Variants in LANCL2 observed in about 807,000 individuals in gnomAD.
LANCL2 encodes the protein LanC like glutathione S-transferase 2.
Under a neutral mutation model 56.9 loss-of-function variants are expected in LANCL2, and 33 were observed. That is an observed-to-expected ratio of 0.58 (90% CI 0.44 to 0.78). The LOEUF (loss-of-function observed/expected upper bound fraction) is 0.78, where lower values mean the gene tolerates loss of function less well. LANCL2 is among the 30% of genes least tolerant of loss of function. The pLI is 0.00. For missense variants in LANCL2, 562 were observed against 580.2 expected (o/e 0.97, Z 0.32); for synonymous variants, 233 against 228.2 (o/e 1.02, Z -0.19).
At chr7:55,375,205 T>G (rs1348620649) in intron 1 of LANCL2, among the ~76,000 whole-genome samples, 1 of 152,208 alleles carries the variant, frequency 6.6e-6, no homozygotes, top group Admixed American at 6.5e-5. Context: ...TTTTTACAAG[T>G]TAATTGTCAA....
At chr7:55,418,184 C>T (rs976199121) in intron 6 of LANCL2, among the ~76,000 whole-genome samples, 1 of 60,120 alleles carries the variant, frequency 1.7e-5, no homozygotes, top group Non-Finnish European at 3.2e-5. Context: ...AATACAATTG[C>T]GTTTTTTTTT....
intron 1 of LANCL2, among the ~76,000 whole-genome samples, chr7:55,369,814 CAA>C (rs1054069754): frequency 3.3e-5 from 5 of 152,094 alleles, no homozygotes; most frequent in East Asian, 1.9e-4. Flanking sequence ...ACTGGAGTAA[CAA>C]GAGATTGTCT....
At chr7:55,366,882 G>C (rs1223590958) in intron 1 of LANCL2, among the ~76,000 whole-genome samples, 2 of 152,250 alleles carry the variant, frequency 1.3e-5, no homozygotes, top group Non-Finnish European at 2.9e-5. Flanking sequence ...AGCGGCAGCT[G>C]TGGGAGAGTA....
intron 1 of LANCL2, among the ~76,000 whole-genome samples, chr7:55,388,432 G>A (rs959328629): frequency 6.6e-6 from 1 of 152,178 alleles, no homozygotes; most frequent in Non-Finnish European, 1.5e-5. Context: ...TGTAATCCCA[G>A]CTACTTGGGA....
chr7:55,380,205 C>T (rs1484050036), intron 1 of LANCL2, among the ~76,000 whole-genome samples: 1 of 152,150 alleles, frequency 6.6e-6, no homozygotes, highest in Admixed American at 6.5e-5. Context: ...AGGGGAAAGT[C>T]GTATTCAGTA....
chr7:55,420,629 T>C (rs1321939498), intron 6 of LANCL2, among the ~76,000 whole-genome samples: 1 of 152,174 alleles, frequency 6.6e-6, no homozygotes, highest in African/African-American at 2.4e-5. Flanking sequence ...AGATAGTAAA[T>C]ATTTTAGGCT....
chr7:55,413,649 C>A (rs1022350924), intron 6 of LANCL2, among the ~76,000 whole-genome samples: 1 of 152,244 alleles, frequency 6.6e-6, no homozygotes, highest in Non-Finnish European at 1.5e-5. Flanking sequence ...CTGCCACTGA[C>A]GGGCTGCAGG....
chr7:55,372,512 A>G (rs1249985491), intron 1 of LANCL2, among the ~76,000 whole-genome samples: 1 of 152,214 alleles, frequency 6.6e-6, no homozygotes, highest in Non-Finnish European at 1.5e-5. Context: ...AATAATGTAG[A>G]TGTAATATAA....
intron 1 of LANCL2, among the ~76,000 whole-genome samples, chr7:55,370,609 C>T (rs1160227618): frequency 6.6e-6 from 1 of 152,074 alleles, no homozygotes; most frequent in Non-Finnish European, 1.5e-5. Flanking sequence ...CTTGGGGGCA[C>T]AAGAGAAGAA....
At position 55,366,085 on chromosome 7, in the gene LANCL2, G is replaced by A. The variant is rs760187918; in HGVS notation, c.60G>A (p.Glu20=). The change falls in exon 1 of 9, where the codon GAG becomes GAA. Residue 20 remains glutamate, a synonymous_variant. Transcript: ENST00000254770. The part of the protein sequence containing the change: ...KLHLGGEAEM[E]ERAFVNPFPD... ...ACCTGGGAGGGGAGGCAGAAATGGA[G>A]GAACGGGCGTTCGTCAACCCCTTCC... The A allele has an allele frequency of 3.3e-6, 5 of 1,536,402 alleles. No homozygotes were observed. In the South Asian group the frequency reaches 4.8e-5, roughly 15 times the overall value.
Position 55,431,371 on chromosome 7 carries a change from T to C in LANCL2, c.*51T>C, listed in dbSNP as rs549007503. ...CCCATTTGGACCAAAAGCCACCAGA[T>C]TGCTTAGTGCCTGACACAGAAACAA... On this transcript the variant is annotated 3_prime_UTR_variant, in exon 9 of 9. Transcript: ENST00000254770. 2.0e-5 allele frequency: 26 copies of C among 1,281,626 alleles called. No individual in the cohort carries two copies. The East Asian group carries it at 4.9e-4, about 24-fold the overall frequency. The allele number at this position is 1,281,626 out of a possible 1,614,324, so 79.4% of individuals were successfully genotyped here.
rs187842798 is a variant in LANCL2, at chr7:55,421,731, A to G, written c.1009-3523A>G. ...CAATATATATGCTTAGCTTTTCATA[A>G]TCTCCTTAGAGTTAACACTGAGCCA... On this transcript the variant is annotated intron_variant, in intron 6 of 8. Coordinates refer to ENST00000254770, the MANE Select transcript of LANCL2 (RefSeq NM_018697.4). 3.6e-3 allele frequency among the ~76,000 whole-genome samples: 548 copies of G among 152,124 alleles called. 8 individuals carry two copies. The highest frequency in any genetic ancestry group is 0.013 in the African/African-American group (527 of 41,510).
intron 6 of LANCL2, among the ~76,000 whole-genome samples, chr7:55,417,107 G>C (rs1045590125): frequency 2.6e-4 from 39 of 150,472 alleles, no homozygotes; most frequent in Non-Finnish European, 8.8e-5. Flanking sequence ...AGCCTCCCGA[G>C]TAGCTGGGAC....
At position 55,433,349 on chromosome 7, in the gene LANCL2, C is replaced by T. The variant is rs917286399; in HGVS notation, c.*2029C>T. The stretch of plus-strand genomic sequence containing the variant: ...TTTATTTACAGATTTTTTTAAAAGC[C>T]ACCTGGGTTGACACCTTCCTACTTA... On this transcript the variant is annotated 3_prime_UTR_variant, in exon 9 of 9. Transcript: ENST00000254770. 1 of 152,104 alleles carries T rather than the reference C, an allele frequency of 6.6e-6. No homozygotes were observed. Among genetic ancestry groups the T allele is most frequent in the Non-Finnish European group, 1.5e-5 (1 of 68,030 alleles). 9.4% of individuals were successfully genotyped at this position (152,104 alleles called of 1,614,324 possible).
At chr7:55,378,837 A>C (rs916159755) in intron 1 of LANCL2, among the ~76,000 whole-genome samples, 3 of 152,234 alleles carry the variant, frequency 2.0e-5, no homozygotes, top group African/African-American at 7.2e-5. Flanking sequence ...AAGTCTTAAA[A>C]ATATACTCCA....
intron 5 of LANCL2, among the ~76,000 whole-genome samples, chr7:55,403,289 G>C (rs930157933): frequency 5.3e-5 from 8 of 152,240 alleles, no homozygotes; most frequent in Non-Finnish European, 8.8e-5. Context: ...AAAAAAATAC[G>C]AAAACCAGTC....
At chr7:55,402,288 G>A (rs1188947883) in intron 5 of LANCL2, among the ~76,000 whole-genome samples, 10 of 56,324 alleles carry the variant, frequency 1.8e-4, no homozygotes, top group African/African-American at 4.7e-4. Context: ...GCGGCTGGCC[G>A]GGCGGGGGGC....
At chr7:55,379,485 A>G (rs950987644) in intron 1 of LANCL2, among the ~76,000 whole-genome samples, 1 of 152,186 alleles carries the variant, frequency 6.6e-6, no homozygotes, top group Non-Finnish European at 1.5e-5. Flanking sequence ...TGGATGCCCT[A>G]CTATTCTGGA....
At chr7:55,421,317 G>T in intron 6 of LANCL2, among the ~76,000 whole-genome samples, 1 of 142,814 alleles carries the variant, frequency 7.0e-6, no homozygotes, top group African/African-American at 2.6e-5. Flanking sequence ...AATTTTTTAG[G>T]ATTCTCTTTT....
Sources: gnomAD v4.1 joint callset for allele counts (sites outside exome capture counted in the v4.1 genomes callset) on GRCh38, gnomAD v4.1.1 for gene constraint, MANE v1.5 for transcripts, NCBI Gene and HGNC (gene_info 2026-07-23, HGNC 2026-07-21) for gene names.